Variants in VSIG2 observed in about 807,000 individuals in gnomAD.
The protein encoded by VSIG2 is V-set and immunoglobulin domain containing 2.
In VSIG2, 30 loss-of-function variants were observed where a neutral mutation model predicts 29.4. That is an observed-to-expected ratio of 1.02 (90% CI 0.76 to 1.38). The LOEUF (loss-of-function observed/expected upper bound fraction) is 1.38, where lower values mean the gene tolerates loss of function less well. Among genes scored for constraint, VSIG2 ranks in the 40% most tolerant of loss-of-function variants. The probability of loss-of-function intolerance (pLI) is 0.00; values close to 1 mark genes in which losing one functional copy is unlikely to be tolerated. For synonymous variants in VSIG2, 178 were observed against 174.2 expected, an observed-to-expected ratio of 1.02 and a Z score of -0.17; for missense variants, 421 against 400.8, an observed-to-expected ratio of 1.05 and a Z score of -0.43.
Position 124,751,021 on chromosome 11 carries a change from C to T in VSIG2, c.220-100G>A, listed in dbSNP as rs527953799. 1.1e-4 allele frequency: 138 copies of T among 1,275,648 alleles called. No individual in the cohort carries two copies. In the African/African-American group the frequency reaches 1.8e-3, roughly 17 times the overall value. 79.0% of individuals were successfully genotyped at this position (1,275,648 alleles called of 1,614,324 possible). On this transcript the variant is annotated intron_variant, in intron 2 of 6. Coordinates refer to ENST00000326621, the MANE Select transcript of VSIG2 (RefSeq NM_014312.5). The stretch of plus-strand genomic sequence containing the variant: ...GTGGGTATAAGAGGCCTCTGACTTA[C>T]ATCAGCCAGGGAGGCTGATACCCTT...
At position 124,750,753 on chromosome 11, in the gene VSIG2, A is replaced by AG; in HGVS notation, c.387dup (p.Tyr130LeufsTer18). On this transcript the variant is annotated frameshift_variant, in exon 3 of 7. Coordinates refer to ENST00000326621, the MANE Select transcript of VSIG2 (RefSeq NM_014312.5). LOFTEE classifies it high-confidence loss of function. ...TTGATTAGCCCCAACCCATTGGTGTAGAAATCTGGTGGGTTGTTGACTTGG... is the reference window on the plus strand; with the variant it reads ...TTGATTAGCCCCAACCCATTGGTGTAGGAAATCTGGTGGGTTGTTGACTTGG... The AG allele has an allele frequency of 6.2e-7, 1 of 1,614,124 alleles. No individual in the cohort carries two copies. The highest frequency in any genetic ancestry group is 8.5e-7 in the Non-Finnish European group (1 of 1,180,024).
intron 6 of VSIG2, chr11:124,748,138 G>C (rs1433583789): frequency 2.0e-6 from 1 of 489,160 alleles, no homozygotes; most frequent in Non-Finnish European, 3.6e-6. Flanking sequence ...TATTAAATAT[G>C]AGGAGGGGCA....
chr11:124,747,725 G>A (rs1944030908), intron 6 of VSIG2, 58 bp from the exon 7 acceptor site: 1 of 1,558,406 alleles, frequency 6.4e-7, no homozygotes, highest in South Asian at 1.2e-5. Flanking sequence ...GAGGAGGGCC[G>A]TCCTCTAACC....
chr11:124,748,837 T>A, intron 4 of VSIG2, 74 bp from the exon 5 acceptor site: 2 of 1,609,428 alleles, frequency 1.2e-6, no homozygotes, highest in Non-Finnish European at 1.7e-6. Flanking sequence ...GCACATTTCA[T>A]GTCATCCTTA....
intron 1 of VSIG2, 50 bp downstream of exon 1, chr11:124,752,027 A>C (rs1272654412): frequency 1.3e-6 from 2 of 1,523,670 alleles, no homozygotes; most frequent in South Asian, 2.6e-5. Context: ...CGGGGAAGCC[A>C]GGCCTATGCC....
At chr11:124,747,989 C>T (rs907520579) in intron 6 of VSIG2, 3 of 365,622 alleles carry the variant, frequency 8.2e-6, no homozygotes, top group African/African-American at 4.2e-5. Context: ...TTTCCCCTCC[C>T]CTTTCCTGAT....
In VSIG2 at chr11:124,749,884, A is replaced by AAAAACAAAAAAC; in HGVS notation, c.428-19_428-18insGTTTTTTGTTTT. 6.8e-7 allele frequency: 1 copy of AAAAACAAAAAAC among 1,460,326 alleles called. No homozygotes were observed. Among genetic ancestry groups the AAAAACAAAAAAC allele is most frequent in the African/African-American group, 1.6e-5 (1 of 63,126 alleles). The allele number at this position is 1,460,326 out of a possible 1,614,324, so 90.5% of individuals were successfully genotyped here. The stretch of plus-strand genomic sequence containing the variant: ...GGGGGGAACTGCAAAAAAAAAAAAA[A>AAAAACAAAAAAC]AAAAAAAAAAACAGAAAGTTCCTCA... On this transcript the variant is annotated intron_variant, in intron 3 of 6. Transcript: ENST00000326621.
intron 3 of VSIG2, among the ~76,000 whole-genome samples, chr11:124,750,108 C>T (rs1024829362): frequency 6.6e-6 from 1 of 152,176 alleles, no homozygotes; most frequent in East Asian, 1.9e-4. Flanking sequence ...AACCTCCACC[C>T]ATTGGTTTCA....
chr11:124,748,108 C>T (rs1010694457), intron 6 of VSIG2: 4 of 438,974 alleles, frequency 9.1e-6, no homozygotes, highest in African/African-American at 2.0e-5. Context: ...AAAATACCTT[C>T]GGAACAGAAA....
rs1944066423 is a variant in VSIG2, at chr11:124,749,949, C to T, written c.428-83G>A. ...CCACTCCCAACTCCATTAGGTGCTA[C>T]ATTCTCTACTTCAATACCCCTATCA... On this transcript the variant is annotated intron_variant, in intron 3 of 6. Coordinates refer to ENST00000326621, the MANE Select transcript of VSIG2 (RefSeq NM_014312.5). 9.3e-6 allele frequency: 13 copies of T among 1,405,324 alleles called. No individual in the cohort carries two copies. In the South Asian group the frequency reaches 2.0e-4, roughly 21 times the overall value. 87.1% of individuals were successfully genotyped at this position (1,405,324 alleles called of 1,614,324 possible). A position where few individuals can be genotyped will look rare whatever the true frequency, so the allele number is the denominator to read the frequency against.
intron 2 of VSIG2, 75 bp downstream of exon 2, chr11:124,751,348 C>T: frequency 1.3e-6 from 2 of 1,583,282 alleles, no homozygotes; most frequent in Non-Finnish European, 1.7e-6. Flanking sequence ...AACTCCCCCT[C>T]CCGACCCCAT....
intron 4 of VSIG2, among the ~76,000 whole-genome samples, chr11:124,749,074 T>C (rs1014768211): frequency 6.6e-6 from 1 of 152,162 alleles, no homozygotes; most frequent in Admixed American, 6.5e-5. Flanking sequence ...TACTGGCTGA[T>C]GTCAGGTTCC....
Position 124,749,767 on chromosome 11 carries a change from A to G in VSIG2, c.527T>C (p.Val176Ala). Residue 176 changes from valine (V) to alanine (A), a missense_variant, in exon 4 of 7, where the codon GTG becomes GCG. Val to Ala is a moderately conservative substitution (Grantham distance 64). Coordinates refer to ENST00000326621, the MANE Select transcript of VSIG2 (RefSeq NM_014312.5). ...AGTTCCAAGACGCACCCAGTTGTAC[A>G]CTGGCTTAGGAGCCCCCTCGGAAGA... ...CSSSEGAPKP[V>A]YNWVRLGTFP... 2.5e-6 allele frequency: 4 copies of G among 1,611,912 alleles called. No individual in the cohort carries two copies. The highest frequency in any genetic ancestry group is 1.7e-4 in the Middle Eastern group (1 of 6,050).
chr11:124,749,445 T>C (rs772248293), intron 4 of VSIG2, among the ~76,000 whole-genome samples: 3 of 152,150 alleles, frequency 2.0e-5, no homozygotes, highest in African/African-American at 2.4e-5. Context: ...GTGGTCATCA[T>C]CAGATTGCTC....
intron 4 of VSIG2, among the ~76,000 whole-genome samples, chr11:124,749,393 G>A (rs527479879): frequency 6.6e-6 from 1 of 152,104 alleles, no homozygotes; most frequent in African/African-American, 2.4e-5. Flanking sequence ...AGTGGTCCAC[G>A]ACCCTTAGGA....
rs757471583 is a variant in VSIG2 at position 124,749,870 on chromosome 11, CAAA to C, written c.428-7_428-5del. On this transcript the variant is annotated splice_polypyrimidine_tract_variant and splice_region_variant and intron_variant, in intron 3 of 6. Transcript: ENST00000326621. ...CATAAGGGATTACTGGGGGGAACTGCAAAAAAAAAAAAAAAAAAAAAAAAACAG... is the reference window on the plus strand; with the variant it reads ...CATAAGGGATTACTGGGGGGAACTGCAAAAAAAAAAAAAAAAAAAAAACAG... 18,960 of 762,604 alleles carry C rather than the reference CAAA, an allele frequency of 0.025. 94 individuals are homozygous for C. Among genetic ancestry groups the C allele is most frequent in the East Asian group, 0.18 (3,708 of 20,774 alleles). The allele number at this position is 762,604 out of a possible 1,614,324, so 47.2% of individuals were successfully genotyped here. A position where few individuals can be genotyped will look rare whatever the true frequency, so the allele number is the denominator to read the frequency against.
In VSIG2 at chr11:124,749,885, A is replaced by AACAAAAAAAAAAAC. The variant is rs1555108848; in HGVS notation, c.428-20_428-19insGTTTTTTTTTTTGT. 29 of 1,419,080 alleles carry AACAAAAAAAAAAAC rather than the reference A, an allele frequency of 2.0e-5. No individual in the cohort carries two copies. Among genetic ancestry groups the AACAAAAAAAAAAAC allele is most frequent in the African/African-American group, 1.8e-4 (10 of 54,178 alleles). 87.9% of individuals were successfully genotyped at this position (1,419,080 alleles called of 1,614,324 possible). Reference sequence around the variant, plus strand: ...GGGGGAACTGCAAAAAAAAAAAAAAAAAAAAAAAAACAGAAAGTTCCTCAG... The same window carrying AACAAAAAAAAAAAC: ...GGGGGAACTGCAAAAAAAAAAAAAAAACAAAAAAAAAAACAAAAAAAAAACAGAAAGTTCCTCAG... On this transcript the variant is annotated intron_variant, in intron 3 of 6. Transcript: ENST00000326621.
At chr11:124,748,002 C>T (rs1347287142) in intron 6 of VSIG2, 1 of 360,032 alleles carries the variant, frequency 2.8e-6, no homozygotes, top group East Asian at 6.0e-5. Context: ...TTCCTGATTT[C>T]CTCCACAGAA....
chr11:124,749,572 A>C, intron 4 of VSIG2, 136 bp downstream of exon 4: 1 of 1,236,416 alleles, frequency 8.1e-7, no homozygotes, highest in South Asian at 1.6e-5. Flanking sequence ...ACAGGAAGCC[A>C]AGGAAGAGAC....
Sources: gnomAD v4.1 joint callset for allele counts (sites outside exome capture counted in the v4.1 genomes callset) on GRCh38, gnomAD v4.1.1 for gene constraint, MANE v1.5 for transcripts, NCBI Gene and HGNC (gene_info 2026-07-23, HGNC 2026-07-21) for gene names.